TMEM276: variants seen among roughly 807,000 people sequenced by gnomAD.
TMEM276 encodes the protein transmembrane protein 276.
chr8:144,465,681 G>A, the TMEM276 span: 1 of 122,250 alleles, frequency 8.2e-6, no homozygotes, highest in East Asian at 2.3e-4. Context: ...GGTTTGGAAG[G>A]AGCGTGATGA....
At chr8:144,464,872 G>A in the TMEM276 span, 2 of 1,612,630 alleles carry the variant, frequency 1.2e-6, no homozygotes, top group Non-Finnish European at 1.7e-6. Context: ...ACAGGGCTGT[G>A]CTCCACTCGG....
the TMEM276 span, chr8:144,465,178 G>C: frequency 1.5e-6 from 2 of 1,349,490 alleles, no homozygotes; most frequent in African/African-American, 2.9e-5. Context: ...GTCAGCCCTG[G>C]GGCCCTGGAG....
chr8:144,466,566 AC>A, the TMEM276 span: 1 of 1,010,812 alleles, frequency 9.9e-7, no homozygotes, highest in Non-Finnish European at 1.3e-6. Context: ...CGCCTGCCCC[AC>A]CCCCACGCCG....
At chr8:144,464,129 A>G in the TMEM276 span, 1 of 1,606,574 alleles carries the variant, frequency 6.2e-7, no homozygotes, top group Non-Finnish European at 8.5e-7. Flanking sequence ...TCCAACTGTC[A>G]CTCCCACTGG....
chr8:144,466,506 G>C, the TMEM276 span: 1 of 1,301,572 alleles, frequency 7.7e-7, no homozygotes. Context: ...CGGAGCCCGG[G>C]GACCCCGCCC....
the TMEM276 span, chr8:144,463,882 C>A: frequency 3.6e-6 from 5 of 1,392,170 alleles, no homozygotes; most frequent in Non-Finnish European, 4.6e-6. Context: ...GATCCACAAC[C>A]GTGTCCAGCC....
At chr8:144,466,392 G>A in the TMEM276 span, 1 of 1,062,820 alleles carries the variant, frequency 9.4e-7, no homozygotes, top group South Asian at 2.5e-5. Context: ...GCGGCGCGAA[G>A]CGGGGCCCTC....
chr8:144,464,855 A>T, the TMEM276 span: 1 of 1,612,884 alleles, frequency 6.2e-7, no homozygotes, highest in Admixed American at 1.7e-5. Flanking sequence ...TCCCAGCACC[A>T]GATGGGACAG....
chr8:144,466,776 G>T, the TMEM276 span: 1 of 1,532,562 alleles, frequency 6.5e-7, no homozygotes, highest in Non-Finnish European at 8.7e-7. Context: ...CGCAAGCCCC[G>T]GGGTCGCCGG....
At chr8:144,466,625 TGCCGAGGAC>T in the TMEM276 span, 1 of 855,612 alleles carries the variant, frequency 1.2e-6, no homozygotes, top group African/African-American at 1.8e-5. Flanking sequence ...GACGGGGCCG[TGCCGAGGAC>T]CCTCGGCTCG....
the TMEM276 span, chr8:144,466,725 C>T: frequency 3.2e-4 from 477 of 1,478,356 alleles, 3 homozygotes; most frequent in African/African-American, 5.7e-3. Flanking sequence ...GGCTGCCTGC[C>T]CCCCTCCTCA....
At chr8:144,466,257 T>G in the TMEM276 span, 2 of 196,170 alleles carry the variant, frequency 1.0e-5, no homozygotes, top group Non-Finnish European at 1.0e-5. Flanking sequence ...GGGCACCTGT[T>G]TCTAGTACCC....
chr8:144,465,127 G>T, the TMEM276 span: 1 of 1,439,696 alleles, frequency 6.9e-7, no homozygotes. Context: ...ATTCAGCCGG[G>T]AAACGGGGGA....
At chr8:144,464,215 G>T in the TMEM276 span, 17 of 1,612,970 alleles carry the variant, frequency 1.1e-5, no homozygotes, top group Non-Finnish European at 1.4e-5. Context: ...ATCCTCCTTC[G>T]GTAGCAGCAG....
chr8:144,463,881 C>T, the TMEM276 span: 2 of 1,391,402 alleles, frequency 1.4e-6, no homozygotes, highest in Non-Finnish European at 1.9e-6. Flanking sequence ...GGATCCACAA[C>T]CGTGTCCAGC....
At chr8:144,466,416 T>G in the TMEM276 span, 9 of 1,292,078 alleles carry the variant, frequency 7.0e-6, no homozygotes, top group Admixed American at 2.0e-4. Flanking sequence ...CGCCCCGCGC[T>G]CCCATGTACG....
chr8:144,465,533 G>T, the TMEM276 span: 42 of 643,282 alleles, frequency 6.5e-5, no homozygotes, highest in African/African-American at 2.0e-4. Flanking sequence ...AGAGCGGCTG[G>T]GGGGGGAGGG....
At chr8:144,465,042 T>A in the TMEM276 span, 13 of 1,534,798 alleles carry the variant, frequency 8.5e-6, no homozygotes, top group South Asian at 1.3e-4. Flanking sequence ...CATTACTGGA[T>A]GTTAGGAGAA....
At chr8:144,465,879 C>T in the TMEM276 span, among the ~76,000 whole-genome samples, 2 of 13,890 alleles carry the variant, frequency 1.4e-4, no homozygotes, top group Non-Finnish European at 2.8e-4. Flanking sequence ...GGCGTGGCTG[C>T]GAGGGGCGGG....
Sources: allele counts gnomAD v4.1 joint callset (sites outside exome capture counted in the v4.1 genomes callset), GRCh38; gene constraint gnomAD v4.1.1; transcripts MANE v1.5; gene names NCBI Gene and HGNC (gene_info 2026-07-23, HGNC 2026-07-21).